Variants in SPINT1 observed in about 807,000 individuals in gnomAD.
SPINT1 encodes the protein serine peptidase inhibitor, Kunitz type 1, also known as kunitz-type protease inhibitor 1.
A neutral mutation model predicts 53.7 loss-of-function variants in SPINT1; 38 were observed. The ratio of observed to expected loss-of-function variants is 0.71; its 90% CI spans 0.55 to 0.93. The LOEUF (loss-of-function observed/expected upper bound fraction) is 0.93. Among genes scored for constraint, SPINT1 ranks in the 40% least tolerant of loss-of-function variants. The pLI is 0.00. For synonymous variants in SPINT1, 283 were observed against 280.6 expected, an observed-to-expected ratio of 1.01 and a Z score of -0.08; for missense variants, 645 against 692.9, an observed-to-expected ratio of 0.93 and a Z score of 0.78.
rs772651501 is a variant in SPINT1, at chr15:40,844,495, C to T, written c.-60C>T. 68 of 1,531,674 alleles carry T rather than the reference C, an allele frequency of 4.4e-5. No homozygotes were observed. Among genetic ancestry groups the T allele is most frequent in the Admixed American group, 6.7e-5 (4 of 59,860 alleles). The allele number at this position is 1,531,674 out of a possible 1,614,324, so 94.9% of individuals were successfully genotyped here. A position where few individuals can be genotyped will look rare whatever the true frequency, so the allele number is the denominator to read the frequency against. On this transcript the variant is annotated 5_prime_UTR_variant, in exon 2 of 11. Coordinates refer to ENST00000562057, the MANE Select transcript of SPINT1 (RefSeq NM_003710.4). This position sits in a 1 kb window ranked among gnomAD's most constrained non-coding sequence, Gnocchi z 5.8. ...GTCCCCTCCCTTCTTCTCAGGTCAC[C>T]AGCACCCTCGGAACCCAGAGGCCCG...
chr15:40,844,118 A>G lies in SPINT1; in HGVS notation c.-134A>G, dbSNP rs1405267790. 2.3e-6 allele frequency: 1 copy of G among 432,998 alleles called. No individual in the cohort carries two copies. The highest frequency in any genetic ancestry group is 2.1e-5 in the African/African-American group (1 of 46,540). The allele number at this position is 432,998 out of a possible 1,614,324, so 26.8% of individuals were successfully genotyped here. A position where few individuals can be genotyped will look rare whatever the true frequency, so the allele number is the denominator to read the frequency against. ...TCCGAGCACCGGGTCGGAAGCCGCG[A>G]CCCGAGCCGCGCAGGAAGCTGGGAC... On this transcript the variant is annotated 5_prime_UTR_variant, in exon 1 of 11. Coordinates refer to ENST00000562057, the MANE Select transcript of SPINT1 (RefSeq NM_003710.4). The surrounding 1 kb of genome is among the most constrained non-coding windows in gnomAD (Gnocchi z 5.8).
chr15:40,853,233 C>T lies in SPINT1; in HGVS notation c.585C>T (p.Asp195=). The change falls in exon 3 of 11, where the codon GAC becomes GAT. Residue 195 remains aspartate (D), a synonymous_variant. Coordinates refer to ENST00000562057, the MANE Select transcript of SPINT1 (RefSeq NM_003710.4). ...ENTDWRLLRG[D]TDVRVERKDP... ...CAGATTGGCGCCTACTGCGGGGTGACACGGATGTCAGGGTAGAGGTGAGAC... is the reference window on the plus strand; with the variant it reads ...CAGATTGGCGCCTACTGCGGGGTGATACGGATGTCAGGGTAGAGGTGAGAC... 6.2e-7 allele frequency: 1 copy of T among 1,614,198 alleles called. No individual in the cohort carries two copies. Among genetic ancestry groups the T allele is most frequent in the South Asian group, 1.1e-5 (1 of 91,086 alleles).
At position 40,844,924 on chromosome 15, in the gene SPINT1, G is replaced by A; in HGVS notation, c.370G>A (p.Glu124Lys). 2 of 1,614,002 alleles carry A rather than the reference G, an allele frequency of 1.2e-6. No homozygotes were observed. Among genetic ancestry groups the A allele is most frequent in the Non-Finnish European group, 1.7e-6 (2 of 1,180,042 alleles). Residue 124 changes from glutamate to lysine, a missense_variant, in exon 2 of 11, where the codon GAG becomes AAG. By Grantham distance (56) the Glu-to-Lys change is moderately conservative (BLOSUM62 1). Coordinates refer to ENST00000562057, the MANE Select transcript of SPINT1 (RefSeq NM_003710.4). The surrounding 1 kb of genome is among the most constrained non-coding windows in gnomAD (Gnocchi z 5.8). ...AACFLINCLY[E>K]QNFVCKFAPR... Reference sequence around the variant, plus strand: ...CTGCTTCCTCATCAACTGCCTCTACGAGCAGAACTTCGTGTGCAAGTTCGC... The same window carrying A: ...CTGCTTCCTCATCAACTGCCTCTACAAGCAGAACTTCGTGTGCAAGTTCGC...
In SPINT1 at chr15:40,857,778, C is replaced by G. The variant is rs192553997; in HGVS notation, c.*803C>G. 2 of 152,170 alleles carry G rather than the reference C, an allele frequency of 1.3e-5. No individual in the cohort carries two copies. The highest frequency in any genetic ancestry group is 2.4e-5 in the African/African-American group (1 of 41,332). The allele number at this position is 152,170 out of a possible 1,614,324, so 9.4% of individuals were successfully genotyped here. A position where few individuals can be genotyped will look rare whatever the true frequency, so the allele number is the denominator to read the frequency against. On this transcript the variant is annotated 3_prime_UTR_variant, in exon 11 of 11. Coordinates refer to ENST00000562057, the MANE Select transcript of SPINT1 (RefSeq NM_003710.4). Reference sequence around the variant, plus strand: ...GAGCAGGTTTTCCCATCGTCTCTCTCGAAACTGGCCTGGCCCCTGACTTTG... The same window carrying G: ...GAGCAGGTTTTCCCATCGTCTCTCTGGAAACTGGCCTGGCCCCTGACTTTG...
At chr15:40,855,493 C>T (rs1477597748) in intron 8 of SPINT1, among the ~76,000 whole-genome samples, 1 of 152,140 alleles carries the variant, frequency 6.6e-6, no homozygotes, top group Non-Finnish European at 1.5e-5. Context: ...TGGTGGCTTA[C>T]ACCTGGAATC....
At chr15:40,856,206 G>T in intron 9 of SPINT1, 70 bp from the exon 10 acceptor site, 1 of 1,599,086 alleles carries the variant, frequency 6.3e-7, no homozygotes, top group Non-Finnish European at 8.6e-7. Context: ...TGTGAGGTCT[G>T]GGGCACTGGG....
At chr15:40,847,817 A>G (rs1205648354) in intron 2 of SPINT1, among the ~76,000 whole-genome samples, 2 of 151,896 alleles carry the variant, frequency 1.3e-5, no homozygotes, top group African/African-American at 4.8e-5. Flanking sequence ...TCTGCATGCT[A>G]CTTCCACTCT....
chr15:40,856,701 T>C (rs1263047041), intron 10 of SPINT1, 69 bp from the exon 11 acceptor site: 4 of 1,601,388 alleles, frequency 2.5e-6, no homozygotes, highest in African/African-American at 2.7e-5. Context: ...GTCTCTTCCA[T>C]AGATTGGGGG....
chr15:40,854,841 G>A, intron 8 of SPINT1, 152 bp downstream of exon 8: 3 of 929,242 alleles, frequency 3.2e-6, no homozygotes, highest in Non-Finnish European at 4.9e-6. Flanking sequence ...AGATGGCTCA[G>A]CTTCTTCCCT....
chr15:40,852,307 T>C (rs2142011004), intron 2 of SPINT1, among the ~76,000 whole-genome samples: 1 of 152,340 alleles, frequency 6.6e-6, no homozygotes, highest in South Asian at 2.1e-4. Flanking sequence ...AACCAGCTAA[T>C]CCAGGATGAT....
intron 10 of SPINT1, 77 bp from the exon 11 acceptor site, chr15:40,856,693 C>A: frequency 6.3e-7 from 1 of 1,592,148 alleles, no homozygotes; most frequent in South Asian, 1.1e-5. Context: ...TTGACTTGGT[C>A]TCTTCCATAG....
intron 2 of SPINT1, among the ~76,000 whole-genome samples, chr15:40,846,793 G>T (rs560229637): frequency 6.6e-6 from 1 of 152,172 alleles, no homozygotes; most frequent in Non-Finnish European, 1.5e-5. Context: ...TATCCTTCCA[G>T]TAGCTCTCCT....
At position 40,856,836 on chromosome 15, in the gene SPINT1, G is replaced by T. The variant is rs1373414294; in HGVS notation, c.1403G>T (p.Gly468Val). 2 of 1,614,120 alleles carry T rather than the reference G, an allele frequency of 1.2e-6. No homozygotes were observed. The highest frequency in any genetic ancestry group is 1.7e-5 in the Admixed American group (1 of 60,012). The change falls in exon 11 of 11, where the codon GGT (glycine) becomes GTT (valine). Residue 468 changes from glycine to valine, a missense_variant. Coordinates refer to ENST00000562057, the MANE Select transcript of SPINT1 (RefSeq NM_003710.4). ...ATTGTGGTGGTGGTAGCCATCTTGG[G>T]TTACTGCTTCTTCAAGAACCAGAGA... ...ICIVVVVAILGYCFFKNQRKD... is the reference protein window; with the variant it reads ...ICIVVVVAILVYCFFKNQRKD...
rs756303633 is a variant in SPINT1 at position 40,854,617 on chromosome 15, C to T, written c.1067-22C>T. 1.9e-6 allele frequency: 3 copies of T among 1,614,260 alleles called. No homozygotes were observed. The East Asian group carries it at 6.7e-5, about 36-fold the overall frequency. On this transcript the variant is annotated intron_variant, in intron 7 of 10. Transcript: ENST00000562057. ...TGGGAGACCCTTGTTGGGTCTGAGA[C>T]TCTGACCTTTCCTCTCTGCAGACAC...
chr15:40,853,652 C>T (rs780547953), intron 4 of SPINT1, 25 bp downstream of exon 4: 4 of 1,613,854 alleles, frequency 2.5e-6, no homozygotes, highest in Non-Finnish European at 3.4e-6. Context: ...AGGAGCAGCA[C>T]CTGGAGCCCC....
chr15:40,854,597 G>A, intron 7 of SPINT1, 42 bp from the exon 8 acceptor site: 2 of 1,614,180 alleles, frequency 1.2e-6, no homozygotes, highest in Non-Finnish European at 1.7e-6. Context: ...ACCCCTGGGA[G>A]ACCCTTGTTG....
rs909286132 is a variant in SPINT1, at chr15:40,844,342, G to A, written c.-65-148G>A. Reference sequence around the variant, plus strand: ...TGGCTGCCGGGTCCCTGGAGGGCGCGTGGGAGGGCCGGGCCCGTGCGCCCT... The same window carrying A: ...TGGCTGCCGGGTCCCTGGAGGGCGCATGGGAGGGCCGGGCCCGTGCGCCCT... On this transcript the variant is annotated intron_variant, in intron 1 of 10. Coordinates refer to ENST00000562057, the MANE Select transcript of SPINT1 (RefSeq NM_003710.4). This position sits in a 1 kb window ranked among gnomAD's most constrained non-coding sequence, Gnocchi z 5.8. 1.1e-5 allele frequency: 7 copies of A among 625,044 alleles called. No individual in the cohort carries two copies. The highest frequency in any genetic ancestry group is 1.9e-5 in the African/African-American group (1 of 51,862). The allele number at this position is 625,044 out of a possible 1,614,324, so 38.7% of individuals were successfully genotyped here.
chr15:40,844,064 A>C lies in SPINT1; in HGVS notation c.-188A>C, dbSNP rs1428079207. On this transcript the variant is annotated 5_prime_UTR_variant, in exon 1 of 11. Coordinates refer to ENST00000562057, the MANE Select transcript of SPINT1 (RefSeq NM_003710.4). This position sits in a 1 kb window ranked among gnomAD's most constrained non-coding sequence, Gnocchi z 5.8. ...CGCTGACTCAGTTTCACCAGAAACC[A>C]GGGGGAGAAGGCGGCCGAGCCCCAG... The C allele has an allele frequency of 2.3e-6, 1 of 427,480 alleles. No homozygotes were observed. Among genetic ancestry groups the C allele is most frequent in the Non-Finnish European group, 4.6e-6 (1 of 215,312 alleles). The allele number at this position is 427,480 out of a possible 1,614,324, so 26.5% of individuals were successfully genotyped here. A position where few individuals can be genotyped will look rare whatever the true frequency, so the allele number is the denominator to read the frequency against.
intron 2 of SPINT1, among the ~76,000 whole-genome samples, chr15:40,849,748 C>A (rs189203000): frequency 6.6e-6 from 1 of 152,196 alleles, no homozygotes; most frequent in Non-Finnish European, 1.5e-5. Context: ...TGACTCTGAG[C>A]AAGCCATTTA....
Sources: allele counts gnomAD v4.1 joint callset (sites outside exome capture counted in the v4.1 genomes callset), GRCh38; gene constraint gnomAD v4.1.1; non-coding constraint Gnocchi (gnomAD v3.1); transcripts MANE v1.5; gene names NCBI Gene and HGNC (gene_info 2026-07-23, HGNC 2026-07-21).